Variants in CCR3 observed in about 807,000 individuals in gnomAD.
The protein encoded by CCR3 is C-C chemokine receptor type 3.
For missense variants in CCR3, 419 were observed against 437.5 expected, an observed-to-expected ratio of 0.96 and a Z score of 0.38; for synonymous variants, 203 against 179.2, an observed-to-expected ratio of 1.13 and a Z score of -1.06.
intron 1 of CCR3, among the ~76,000 whole-genome samples, chr3:46,253,949 C>T (rs1700366469): frequency 6.6e-6 from 1 of 151,776 alleles, no homozygotes; most frequent in Admixed American, 6.6e-5. Context: ...CTTGATGTTT[C>T]TTACTCTGAT....
chr3:46,255,451 T>C (rs1024287222), intron 1 of CCR3, among the ~76,000 whole-genome samples: 1 of 152,222 alleles, frequency 6.6e-6, no homozygotes, highest in Non-Finnish European at 1.5e-5. Context: ...TTTGGGTTCT[T>C]GGTCATGACC....
intron 2 of CCR3, among the ~76,000 whole-genome samples, chr3:46,211,147 T>A (rs985054643): frequency 6.6e-6 from 1 of 152,000 alleles, no homozygotes; most frequent in Non-Finnish European, 1.5e-5. Flanking sequence ...TTTCTGGACT[T>A]ATCTCCAGAG....
chr3:46,250,956 G>A (rs1700297801), intron 1 of CCR3, among the ~76,000 whole-genome samples: 1 of 151,866 alleles, frequency 6.6e-6, no homozygotes, highest in Non-Finnish European at 1.5e-5. Flanking sequence ...AGGGATTGGG[G>A]TGCAGAGATA....
At chr3:46,237,679 A>C (rs1301775222), upstream of CCR3, among the ~76,000 whole-genome samples, 2 of 152,240 alleles carry the variant, frequency 1.3e-5, no homozygotes, top group Non-Finnish European at 2.9e-5. Flanking sequence ...TGTATTGAAG[A>C]GGGTGTCCTT....
At chr3:46,244,407 C>T (rs1042303316) in intron 1 of CCR3, among the ~76,000 whole-genome samples, 1 of 152,186 alleles carries the variant, frequency 6.6e-6, no homozygotes, top group Non-Finnish European at 1.5e-5. Context: ...ACCAAACAGG[C>T]TTTGTGTGAG....
chr3:46,221,493 C>G (rs1011540664), intron 2 of CCR3, among the ~76,000 whole-genome samples: 1 of 152,180 alleles, frequency 6.6e-6, no homozygotes, highest in African/African-American at 2.4e-5. Context: ...CTCACATGCC[C>G]CCCGCAGCCC....
chr3:46,223,860 G>A (rs57560436), intron 2 of CCR3, among the ~76,000 whole-genome samples: 15,133 of 152,094 alleles, frequency 0.099, 2,343 homozygotes, highest in African/African-American at 0.33. Context: ...ATGGATAGAG[G>A]TACTAGAGGA....
chr3:46,223,288 C>A lies in CCR3; in HGVS notation c.-68+12381C>A, dbSNP rs559792120. Reference sequence around the variant, plus strand: ...CCAGGATGTGGAGGTTGCAGTGAGCCGAGATCGTGCCACTGCACTCCAGCC... The same window carrying A: ...CCAGGATGTGGAGGTTGCAGTGAGCAGAGATCGTGCCACTGCACTCCAGCC... On this transcript the variant is annotated intron_variant, in intron 2 of 3. Transcript: ENST00000357422. Among the ~76,000 whole-genome samples the A allele has an allele frequency of 3.3e-5, 5 of 152,274 alleles. No individual in the cohort carries two copies. In the East Asian group the frequency reaches 7.7e-4, roughly 24 times the overall value.
At chr3:46,254,609 A>T (rs1036960165) in intron 1 of CCR3, among the ~76,000 whole-genome samples, 1 of 151,180 alleles carries the variant, frequency 6.6e-6, no homozygotes, top group Admixed American at 6.7e-5. Flanking sequence ...CACTGTACTC[A>T]ATGTGTAGTC....
In CCR3 at chr3:46,226,948, T is replaced by G. The variant is rs549201072; in HGVS notation, c.-67-15454T>G. On this transcript the variant is annotated intron_variant, in intron 2 of 3. Coordinates refer to the CCR3 transcript ENST00000357422. ...GTGCAGTGGCATGATCTCGGCTCAC[T>G]GCAACCTCTGCTGCCCAGGTTCAAG... 5.9e-5 allele frequency among the ~76,000 whole-genome samples: 9 copies of G among 152,170 alleles called. No homozygotes were observed. In the South Asian group the frequency reaches 1.9e-3, roughly 32 times the overall value.
At chr3:46,252,973 T>C (rs1168839536) in intron 1 of CCR3, among the ~76,000 whole-genome samples, 1 of 150,446 alleles carries the variant, frequency 6.6e-6, no homozygotes, top group Non-Finnish European at 1.5e-5. Context: ...AGTCCAGGAG[T>C]TGTCAACCTT....
intron 1 of CCR3, among the ~76,000 whole-genome samples, chr3:46,257,832 G>GTAAC (rs757203652): frequency 8.5e-5 from 13 of 152,206 alleles, no homozygotes; most frequent in Non-Finnish European, 1.6e-4. Flanking sequence ...GTGGCTCAGT[G>GTAAC]TAACTCTGAA....
At chr3:46,225,417 G>T (rs1273433939) in intron 2 of CCR3, among the ~76,000 whole-genome samples, 1 of 152,196 alleles carries the variant, frequency 6.6e-6, no homozygotes, top group African/African-American at 2.4e-5. Flanking sequence ...TGTAATCCCA[G>T]CTACTCGGGA....
chr3:46,212,786 A>G (rs925753319), intron 2 of CCR3, among the ~76,000 whole-genome samples: 1 of 152,166 alleles, frequency 6.6e-6, no homozygotes, highest in Admixed American at 6.5e-5. Context: ...CATTGGGCAC[A>G]TCAGTGTGAG....
chr3:46,244,754 C>T (rs1700160209), intron 1 of CCR3, among the ~76,000 whole-genome samples: 2 of 152,118 alleles, frequency 1.3e-5, no homozygotes, highest in Non-Finnish European at 2.9e-5. Flanking sequence ...TTACTTCAGG[C>T]CATCTGGGCA....
At position 46,265,754 on chromosome 3, in the gene CCR3, A is replaced by T; in HGVS notation, c.596A>T (p.His199Leu). The change falls in exon 2 of 2, where the codon CAC becomes CTC. Residue 199 changes from histidine to leucine, a missense_variant. His to Leu is a moderately conservative substitution (Grantham distance 99). Transcript: ENST00000395940. ...EDTVYSWRHF[H>L]TLRMTIFCLV... is the part of the protein sequence containing the mutation. ...ACAGTATATAGCTGGAGGCATTTCC[A>T]CACTCTGAGAATGACCATCTTCTGT... is the stretch of plus-strand genomic sequence containing the variant. The T allele has an allele frequency of 6.2e-7, 1 of 1,613,732 alleles. No homozygotes were observed. Among genetic ancestry groups the T allele is most frequent in the Middle Eastern group, 1.7e-4 (1 of 6,060 alleles).
intron 2 of CCR3, among the ~76,000 whole-genome samples, chr3:46,230,850 G>C (rs1220838656): frequency 1.3e-5 from 2 of 152,144 alleles, no homozygotes; most frequent in Non-Finnish European, 2.9e-5. Flanking sequence ...CCAGGGCAGG[G>C]ACCTAGGCAC....
chr3:46,236,073 T>A (rs1700021065), intron 2 of CCR3, among the ~76,000 whole-genome samples: 1 of 152,230 alleles, frequency 6.6e-6, no homozygotes, highest in Admixed American at 6.5e-5. Context: ...TATACTATGA[T>A]GTATGGTTTG....
Position 46,265,375 on chromosome 3 carries a change from C to T in CCR3, c.217C>T (p.Leu73=), listed in dbSNP as rs555338892. The T allele has an allele frequency of 2.5e-6, 4 of 1,614,148 alleles. No homozygotes were observed. In the African/African-American group the frequency reaches 4.0e-5, roughly 16 times the overall value. The change falls in exon 2 of 2, where the codon CTG becomes TTG. Residue 73 remains leucine, a synonymous_variant. Transcript: ENST00000395940. The part of the protein sequence containing the change: ...RRLRIMTNIY[L]LNLAISDLLF... Reference sequence around the variant, plus strand: ...GCTCCGAATTATGACCAACATCTACCTGCTCAACCTGGCCATTTCGGACCT... The same window carrying T: ...GCTCCGAATTATGACCAACATCTACTTGCTCAACCTGGCCATTTCGGACCT...
Sources: allele counts gnomAD v4.1 joint callset (sites outside exome capture counted in the v4.1 genomes callset), GRCh38; gene constraint gnomAD v4.1.1; transcripts MANE v1.5; gene names NCBI Gene and HGNC (gene_info 2026-07-23, HGNC 2026-07-21).